BEAN1: variants seen among roughly 807,000 people sequenced by gnomAD.
The protein encoded by BEAN1 is brain expressed associated with NEDD4 1.
BEAN1 carries 17 observed loss-of-function variants against 17.7 expected under a neutral mutation model. That is an observed-to-expected ratio of 0.96 (90% confidence interval 0.66 to 1.44). The LOEUF is 1.44. BEAN1 is among the 40% of genes most tolerant of loss of function. BEAN1 has a pLI of 0.00. For missense variants in BEAN1, 359 were observed against 374.1 expected, an observed-to-expected ratio of 0.96 and a Z score of 0.33; for synonymous variants, 142 against 151.8, an observed-to-expected ratio of 0.94 and a Z score of 0.47.
intron 2 of BEAN1, among the ~76,000 whole-genome samples, chr16:66,466,904 C>T: frequency 6.6e-6 from 1 of 151,942 alleles, no homozygotes; most frequent in East Asian, 1.9e-4. Flanking sequence ...GTCATTTTAA[C>T]TTATCACCAA....
intron 2 of BEAN1, among the ~76,000 whole-genome samples, chr16:66,441,180 C>G (rs1962242294): frequency 6.6e-6 from 1 of 152,206 alleles, no homozygotes; most frequent in African/African-American, 2.4e-5. Flanking sequence ...ATAGGAGGTG[C>G]TCAGTGTTTA....
chr16:66,446,066 C>A (rs1030867028), intron 2 of BEAN1, among the ~76,000 whole-genome samples: 2 of 151,990 alleles, frequency 1.3e-5, no homozygotes, highest in Non-Finnish European at 2.9e-5. Flanking sequence ...GCCTGTAATC[C>A]CAGCTACTCG....
chr16:66,482,842 A>C (rs1047144057), downstream of BEAN1: 3 of 455,680 alleles, frequency 6.6e-6, no homozygotes, highest in African/African-American at 2.0e-5. Flanking sequence ...CAGAGAGTGC[A>C]TAAGGTTCCT....
chr16:66,479,564 A>G (rs1403337004), intron 4 of BEAN1, among the ~76,000 whole-genome samples: 1 of 152,018 alleles, frequency 6.6e-6, no homozygotes, highest in Non-Finnish European at 1.5e-5. Flanking sequence ...ACACACATAC[A>G]TGCACACACG....
Position 66,469,583 on chromosome 16 carries a change from CCT to C in BEAN1, c.26-10_26-9del, listed in dbSNP as rs1345299187. On this transcript the variant is annotated splice_polypyrimidine_tract_variant and intron_variant, in intron 2 of 4. Coordinates refer to ENST00000536005, the MANE Select transcript of BEAN1 (RefSeq NM_001178020.3). ...GCAGGCCTGGGCTCCAGCTCAGTGTCCTCTCTCTCTGTCCACAGTAGCACGAT... is the reference window on the plus strand; with the variant it reads ...GCAGGCCTGGGCTCCAGCTCAGTGTCCTCTCTCTGTCCACAGTAGCACGAT... 1 of 1,530,774 alleles carries C rather than the reference CCT, an allele frequency of 6.5e-7. No homozygotes were observed. The highest frequency in any genetic ancestry group is 1.2e-5 in the South Asian group (1 of 83,612). The allele number at this position is 1,530,774 out of a possible 1,614,324, so 94.8% of individuals were successfully genotyped here.
At chr16:66,453,543 G>T (rs931015098) in intron 2 of BEAN1, among the ~76,000 whole-genome samples, 1 of 151,782 alleles carries the variant, frequency 6.6e-6, no homozygotes, top group African/African-American at 2.4e-5. Flanking sequence ...TTATTTTTTT[G>T]TATATACAGG....
intron 2 of BEAN1, among the ~76,000 whole-genome samples, chr16:66,442,125 C>T (rs1293655117): frequency 1.3e-5 from 2 of 152,222 alleles, no homozygotes; most frequent in African/African-American, 2.4e-5. Flanking sequence ...CCAGCAAATA[C>T]CAAGCCTGTG....
chr16:66,464,443 C>T (rs550516608), intron 2 of BEAN1, among the ~76,000 whole-genome samples: 11 of 152,034 alleles, frequency 7.2e-5, no homozygotes, highest in Non-Finnish European at 1.2e-4. Context: ...CAGGCTCAAA[C>T]GATTCCCCTG....
intron 2 of BEAN1, among the ~76,000 whole-genome samples, chr16:66,465,958 G>A (rs1435381190): frequency 6.6e-6 from 1 of 152,150 alleles, no homozygotes; most frequent in East Asian, 1.9e-4. Context: ...GACCACAGGT[G>A]TGTGCCACCA....
chr16:66,427,471 G>C lies in BEAN1; in HGVS notation c.-83+40G>C, dbSNP rs1961622263. ...GCTGGGCGGCGCGGGGGAGGGGCGG[G>C]CGGGGGGTCCCGGCCCCATTCCCCC... is the stretch of plus-strand genomic sequence containing the variant. On this transcript the variant is annotated intron_variant, in intron 1 of 4. Coordinates refer to ENST00000536005, the MANE Select transcript of BEAN1 (RefSeq NM_001178020.3). This position sits in a 1 kb window ranked among gnomAD's most constrained non-coding sequence, Gnocchi z 4.7. 6.6e-6 allele frequency: 1 copy of C among 151,162 alleles called. No homozygotes were observed. The highest frequency in any genetic ancestry group is 2.1e-4 in the South Asian group (1 of 4,824). The allele number at this position is 151,162 out of a possible 1,614,324, so 9.4% of individuals were successfully genotyped here.
chr16:66,446,684 C>T (rs965127130), intron 2 of BEAN1, among the ~76,000 whole-genome samples: 3 of 152,140 alleles, frequency 2.0e-5, no homozygotes, highest in African/African-American at 4.8e-5. Context: ...GAGTCTTGGG[C>T]TGGTGAAGGG....
Position 66,489,159 on chromosome 16 carries a change from C to T in BEAN1, c.148-3803C>T, listed in dbSNP as rs1018996457. 3.4e-5 allele frequency among the ~76,000 whole-genome samples: 5 copies of T among 148,704 alleles called. No individual in the cohort carries two copies. The South Asian group carries it at 6.4e-4, about 19-fold the overall frequency. The stretch of plus-strand genomic sequence containing the variant: ...TGTACTTCAGCCTGGGCAAGAAGAG[C>T]GAAACTCCATCTCAAAAAAAAACAA... On this transcript the variant is annotated intron_variant, in intron 4 of 4. Transcript: ENST00000561796.
chr16:66,463,845 A>C (rs2142420614), intron 2 of BEAN1, among the ~76,000 whole-genome samples: 1 of 152,284 alleles, frequency 6.6e-6, no homozygotes, highest in South Asian at 2.1e-4. Flanking sequence ...TTTGAATGTA[A>C]GCATTCAGTT....
At chr16:66,453,342 T>TACACACACACACACACAC (rs34867737) in intron 2 of BEAN1, among the ~76,000 whole-genome samples, 14 of 147,634 alleles carry the variant, frequency 9.5e-5, no homozygotes, top group African/African-American at 3.2e-4. Flanking sequence ...CATTCTGTTA[T>TACACACACACACACACAC]ACACACACAC....
chr16:66,481,006 C>T lies in BEAN1; in HGVS notation c.*81C>T. 8.5e-7 allele frequency: 1 copy of T among 1,170,628 alleles called. No homozygotes were observed. Among genetic ancestry groups the T allele is most frequent in the Non-Finnish European group, 1.2e-6 (1 of 860,044 alleles). 72.5% of individuals were successfully genotyped at this position (1,170,628 alleles called of 1,614,324 possible). A position where few individuals can be genotyped will look rare whatever the true frequency, so the allele number is the denominator to read the frequency against. ...GCACACAAAGGCGTGCACACACACA[C>T]AGAGATGCACACGTGACTCATAACA... On this transcript the variant is annotated 3_prime_UTR_variant, in exon 5 of 5. Coordinates refer to ENST00000536005, the MANE Select transcript of BEAN1 (RefSeq NM_001178020.3). The surrounding 1 kb of genome is among the most constrained non-coding windows in gnomAD (Gnocchi z 4.1).
chr16:66,463,372 G>T (rs180783061), intron 2 of BEAN1, among the ~76,000 whole-genome samples: 209 of 152,298 alleles, frequency 1.4e-3, no homozygotes, highest in Middle Eastern at 3.4e-3. Flanking sequence ...TTGTGGCTTT[G>T]ATTTGCATTT....
At chr16:66,447,299 C>G (rs1199284243) in intron 2 of BEAN1, among the ~76,000 whole-genome samples, 1 of 152,110 alleles carries the variant, frequency 6.6e-6, no homozygotes, top group Non-Finnish European at 1.5e-5. Flanking sequence ...GTAACAACAG[C>G]AAGAGCTAAG....
chr16:66,469,889 C>T, intron 3 of BEAN1, 24 bp downstream of exon 3: 1 of 1,528,330 alleles, frequency 6.5e-7, no homozygotes, highest in Non-Finnish European at 8.7e-7. Flanking sequence ...CACCCTGGGG[C>T]CCTGGGACCT....
chr16:66,436,260 T>C (rs1379175065), intron 1 of BEAN1, among the ~76,000 whole-genome samples: 1 of 144,964 alleles, frequency 6.9e-6, no homozygotes, highest in East Asian at 2.0e-4. Flanking sequence ...CTACTTTTTT[T>C]CTTTTCTTTT....
Sources: gnomAD v4.1 joint callset for allele counts (sites outside exome capture counted in the v4.1 genomes callset) on GRCh38, gnomAD v4.1.1 for gene constraint, Gnocchi (gnomAD v3.1) non-coding constraint, MANE v1.5 for transcripts, NCBI Gene and HGNC (gene_info 2026-07-23, HGNC 2026-07-21) for gene names.